Variants in STAM observed in about 807,000 individuals in gnomAD.
STAM encodes signal transducing adapter molecule 1.
STAM carries 16 observed loss-of-function variants against 63.4 expected under a neutral mutation model. The observed-to-expected ratio is 0.25, with a 90% CI of 0.17 to 0.38. STAM has a LOEUF of 0.38. Ranked by LOEUF, STAM falls within the 10% of genes least tolerant of loss-of-function variation. The probability of loss-of-function intolerance (pLI) is 1.00; values close to 1 mark genes in which losing one functional copy is unlikely to be tolerated. For missense variants in STAM, 636 were observed against 657.1 expected, an observed-to-expected ratio of 0.97 and a Z score of 0.35; for synonymous variants, 238 against 223.9, an observed-to-expected ratio of 1.06 and a Z score of -0.56.
At chr10:17,647,504 CT>C (rs1254967980) in intron 1 of STAM, among the ~76,000 whole-genome samples, 9 of 149,008 alleles carry the variant, frequency 6.0e-5, no homozygotes, top group South Asian at 4.2e-4. Flanking sequence ...TCTCCTTCCA[CT>C]TTTTTTTTTC....
At chr10:17,701,202 T>TCTG (rs1835979211) in intron 9 of STAM, among the ~76,000 whole-genome samples, 1 of 152,238 alleles carries the variant, frequency 6.6e-6, no homozygotes, top group Admixed American at 6.5e-5. Flanking sequence ...TATAGAAATA[T>TCTG]CTGCTGTTAC....
rs148688916 is a variant in STAM at position 17,676,578 on chromosome 10, A to G, written c.126-8097A>G. Among the ~76,000 whole-genome samples the G allele has an allele frequency of 4.1e-4, 63 of 152,284 alleles. No homozygotes were observed. The East Asian group carries it at 0.011, about 27-fold the overall frequency. On this transcript the variant is annotated intron_variant, in intron 2 of 13. Transcript: ENST00000377524. Reference sequence around the variant, plus strand: ...CTTACGAACTATATGACCCAGATCTATTCATAAAAAGATGATTTTGTGGAT... The same window carrying G: ...CTTACGAACTATATGACCCAGATCTGTTCATAAAAAGATGATTTTGTGGAT...
At chr10:17,678,323 C>G (rs541819274) in intron 2 of STAM, among the ~76,000 whole-genome samples, 2 of 151,916 alleles carry the variant, frequency 1.3e-5, no homozygotes, top group Admixed American at 1.3e-4. Flanking sequence ...GGCACAATCT[C>G]AGTTCACTGT....
At chr10:17,648,951 C>T (rs1296276436) in intron 1 of STAM, among the ~76,000 whole-genome samples, 3 of 152,082 alleles carry the variant, frequency 2.0e-5, no homozygotes, top group East Asian at 1.9e-4. Flanking sequence ...TAAATCTGAA[C>T]GCTCCAAGCT....
intron 5 of STAM, 80 bp from the exon 6 acceptor site, chr10:17,693,142 G>A: frequency 7.9e-7 from 1 of 1,262,478 alleles, no homozygotes; most frequent in Non-Finnish European, 1.1e-6. Flanking sequence ...GATGAGAAAG[G>A]TTTTGCAAAT....
chr10:17,696,640 G>T (rs2131662849), intron 7 of STAM, 135 bp from the exon 8 acceptor site: 1 of 582,618 alleles, frequency 1.7e-6, no homozygotes, highest in Admixed American at 3.1e-5. Context: ...AATAAAGGAA[G>T]ATTCATTGGC....
chr10:17,648,447 G>A (rs935765219), intron 1 of STAM, among the ~76,000 whole-genome samples: 2 of 152,158 alleles, frequency 1.3e-5, no homozygotes, highest in Non-Finnish European at 2.9e-5. Context: ...CAACCGGCTC[G>A]GGTCCCCTTC....
chr10:17,684,635 A>G (rs1462177310), intron 2 of STAM, 40 bp from the exon 3 acceptor site: 10 of 1,542,080 alleles, frequency 6.5e-6, no homozygotes, highest in Non-Finnish European at 8.9e-6. Context: ...GGGAAGCTAG[A>G]TGTATTATTA....
intron 2 of STAM, among the ~76,000 whole-genome samples, chr10:17,674,229 G>A (rs1459441538): frequency 1.3e-5 from 2 of 152,218 alleles, no homozygotes; most frequent in African/African-American, 4.8e-5. Context: ...AAACCTACCA[G>A]CCGTCAGCTT....
At chr10:17,649,601 C>T (rs1276085739) in intron 1 of STAM, among the ~76,000 whole-genome samples, 1 of 152,022 alleles carries the variant, frequency 6.6e-6, no homozygotes, top group Non-Finnish European at 1.5e-5. Context: ...ATAGAAAGCA[C>T]TCAAGAATTA....
intron 2 of STAM, among the ~76,000 whole-genome samples, chr10:17,674,628 G>A (rs1196159822): frequency 2.0e-5 from 3 of 152,148 alleles, no homozygotes; most frequent in Non-Finnish European, 2.9e-5. Context: ...ATGGCTTCTT[G>A]TAAGTTATGT....
chr10:17,705,909 A>G (rs932452576), intron 12 of STAM, among the ~76,000 whole-genome samples, 168 bp downstream of exon 12: 74 of 151,610 alleles, frequency 4.9e-4, no homozygotes, highest in African/African-American at 1.7e-3. Flanking sequence ...CTCTACCAAA[A>G]AAAAAAAAAA....
intron 9 of STAM, among the ~76,000 whole-genome samples, chr10:17,700,629 G>GTAGATA (rs1835953443): frequency 1.3e-5 from 2 of 151,458 alleles, no homozygotes; most frequent in Non-Finnish European, 2.9e-5. Context: ...TTTCTTTAGG[G>GTAGATA]TAGATATTCA....
chr10:17,713,969 G>A (rs1253291304), intron 13 of STAM, among the ~76,000 whole-genome samples: 2 of 152,010 alleles, frequency 1.3e-5, no homozygotes, highest in Non-Finnish European at 2.9e-5. Context: ...CACCCCCTGC[G>A]GCCCCCTCTG....
At chr10:17,664,126 C>G (rs1409094403) in intron 2 of STAM, among the ~76,000 whole-genome samples, 1 of 151,954 alleles carries the variant, frequency 6.6e-6, no homozygotes, top group Non-Finnish European at 1.5e-5. Context: ...GAGTCCTAGG[C>G]CCTGTGCCTA....
rs1374761200 is a variant in STAM, at chr10:17,693,185, A to G, written c.445-37A>G. On this transcript the variant is annotated intron_variant, in intron 5 of 13. Transcript: ENST00000377524. ...GTGGGTGAGAGGAGGAGAATTTGATAACAACCCTCAAATACTGTGTTCCTC... is the reference window on the plus strand; with the variant it reads ...GTGGGTGAGAGGAGGAGAATTTGATGACAACCCTCAAATACTGTGTTCCTC... The G allele has an allele frequency of 9.5e-6, 15 of 1,576,606 alleles. No individual in the cohort carries two copies. In the African/African-American group the frequency reaches 1.2e-4, roughly 13 times the overall value.
intron 1 of STAM, among the ~76,000 whole-genome samples, chr10:17,649,636 G>A (rs2461890): frequency 0.62 from 94,405 of 151,978 alleles, 30,412 homozygotes; most frequent in African/African-American, 0.8. Flanking sequence ...AATTATTGGT[G>A]TTTTTCTAGA....
chr10:17,665,003 C>A (rs1834318804), intron 2 of STAM, among the ~76,000 whole-genome samples: 1 of 151,930 alleles, frequency 6.6e-6, no homozygotes, highest in Non-Finnish European at 1.5e-5. Context: ...ATTATTTTAA[C>A]CTTTTTTTCT....
chr10:17,689,592 T>A (rs1554826521), intron 5 of STAM, among the ~76,000 whole-genome samples: 1 of 152,224 alleles, frequency 6.6e-6, no homozygotes, highest in African/African-American at 2.4e-5. Flanking sequence ...TCTGTATAAT[T>A]AAGGAAAAAT....
Sources: allele counts gnomAD v4.1 joint callset (sites outside exome capture counted in the v4.1 genomes callset), GRCh38; gene constraint gnomAD v4.1.1; transcripts MANE v1.5; gene names NCBI Gene and HGNC (gene_info 2026-07-23, HGNC 2026-07-21).